Variants in MARCHF1 observed in about 807,000 individuals in gnomAD.
The protein encoded by MARCHF1 is E3 ubiquitin-protein ligase MARCHF1.
A neutral mutation model predicts 54.2 loss-of-function variants in MARCHF1; 40 were observed. The observed-to-expected ratio is 0.74, with a 90% CI of 0.57 to 0.96. The LOEUF is 0.96. Ranked by LOEUF, MARCHF1 falls within the 40% of genes least tolerant of loss-of-function variation. MARCHF1 has a pLI of 0.00. For synonymous variants in MARCHF1, 236 were observed against 236.3 expected (o/e 1.00, Z 0.01); for missense variants, 586 against 656.5 (o/e 0.89, Z 1.17).
chr4:164,230,116 C>T (rs531047176), intron 1 of MARCHF1, among the ~76,000 whole-genome samples: 1 of 152,246 alleles, frequency 6.6e-6, no homozygotes, highest in South Asian at 2.1e-4. Flanking sequence ...TGATATAAGG[C>T]TGGGCACGGT....
chr4:164,369,002 G>C (rs998216417), intron 1 of MARCHF1, among the ~76,000 whole-genome samples: 1 of 152,176 alleles, frequency 6.6e-6, no homozygotes, highest in Non-Finnish European at 1.5e-5. Context: ...CTGTGCTGCA[G>C]GCCAGCAAAG....
At chr4:164,148,194 T>C (rs1257740477) in intron 1 of MARCHF1, among the ~76,000 whole-genome samples, 1 of 151,484 alleles carries the variant, frequency 6.6e-6, no homozygotes, top group Non-Finnish European at 1.5e-5. Context: ...CAAGAAACTA[T>C]GTAACAGAGG....
chr4:163,683,277 C>T (rs564513281), intron 5 of MARCHF1, among the ~76,000 whole-genome samples: 8 of 152,204 alleles, frequency 5.3e-5, no homozygotes, highest in South Asian at 4.2e-4. Flanking sequence ...ACATGGTGGT[C>T]GACAAGAGAA....
intron 1 of MARCHF1, among the ~76,000 whole-genome samples, chr4:164,238,573 AAAGT>A (rs1397749928): frequency 1.3e-5 from 2 of 152,032 alleles, no homozygotes; most frequent in African/African-American, 4.8e-5. Context: ...TATTATCTAA[AAAGT>A]AAGAGATAAA....
At chr4:163,780,606 G>A (rs1227428546) in intron 4 of MARCHF1, among the ~76,000 whole-genome samples, 2 of 68,644 alleles carry the variant, frequency 2.9e-5, no homozygotes, top group Admixed American at 3.6e-4. Flanking sequence ...TCCTTTGAAA[G>A]TGGGAATTAT....
intron 1 of MARCHF1, among the ~76,000 whole-genome samples, chr4:164,217,153 G>A (rs2111136864): frequency 6.6e-6 from 1 of 152,282 alleles, no homozygotes; most frequent in Middle Eastern, 3.4e-3. Flanking sequence ...TGAACATGAT[G>A]CAGCTCTCTT....
At chr4:164,194,349 C>A (rs1365953040) in intron 1 of MARCHF1, among the ~76,000 whole-genome samples, 5 of 152,236 alleles carry the variant, frequency 3.3e-5, no homozygotes, top group South Asian at 2.1e-4. Flanking sequence ...AAGGGCACTG[C>A]AGGTGGGAAA....
chr4:163,899,029 C>T (rs1252826781), intron 3 of MARCHF1, among the ~76,000 whole-genome samples: 1 of 152,126 alleles, frequency 6.6e-6, no homozygotes, highest in East Asian at 1.9e-4. Context: ...ACACTAGGAA[C>T]TCCAAAAGTG....
In MARCHF1 at chr4:164,201,655, C is replaced by T. The variant is rs372792236; in HGVS notation, c.-322-89993G>A. 2.0e-5 allele frequency among the ~76,000 whole-genome samples: 3 copies of T among 152,180 alleles called. No homozygotes were observed. In the East Asian group the frequency reaches 5.8e-4, roughly 29 times the overall value. On this transcript the variant is annotated intron_variant, in intron 1 of 9. Transcript: ENST00000514618. ...CTGAAGATGACTTGTTAACAAATTG[C>T]ATATGAGAAGCAAGGTAAAGAGATA...
chr4:163,886,033 A>C (rs1411559775), intron 3 of MARCHF1, among the ~76,000 whole-genome samples: 2 of 147,592 alleles, frequency 1.4e-5, no homozygotes, highest in Non-Finnish European at 3.0e-5. Flanking sequence ...AAAAAAAAAT[A>C]GCCTGGTATG....
chr4:164,323,856 A>G (rs925373512), intron 1 of MARCHF1, among the ~76,000 whole-genome samples: 4 of 151,766 alleles, frequency 2.6e-5, no homozygotes, highest in African/African-American at 9.7e-5. Flanking sequence ...AAGACATACT[A>G]TTTGAAAAAT....
intron 4 of MARCHF1, among the ~76,000 whole-genome samples, chr4:163,724,851 T>C (rs562978949): frequency 1.4e-4 from 21 of 151,924 alleles, no homozygotes; most frequent in African/African-American, 4.6e-4. Context: ...GCTAAGACCA[T>C]TGGAAAAGCG....
chr4:163,664,424 C>T (rs1313865782), intron 5 of MARCHF1, among the ~76,000 whole-genome samples: 1 of 151,948 alleles, frequency 6.6e-6, no homozygotes, highest in Non-Finnish European at 1.5e-5. Flanking sequence ...CCAAATTAAA[C>T]ATGACAAAGA....
chr4:164,019,087 G>A (rs1465786645), intron 2 of MARCHF1, among the ~76,000 whole-genome samples: 2 of 152,150 alleles, frequency 1.3e-5, no homozygotes, highest in Non-Finnish European at 2.9e-5. Context: ...CCTTTGGCTG[G>A]GTTTGGTAAA....
At chr4:163,621,453 T>G (rs2110960503) in intron 5 of MARCHF1, among the ~76,000 whole-genome samples, 1 of 152,308 alleles carries the variant, frequency 6.6e-6, no homozygotes, top group South Asian at 2.1e-4. Flanking sequence ...AACCACTGGT[T>G]TAGGTTAAAG....
chr4:163,879,265 T>A (rs1480653088), intron 3 of MARCHF1, among the ~76,000 whole-genome samples: 1 of 152,130 alleles, frequency 6.6e-6, no homozygotes, highest in Non-Finnish European at 1.5e-5. Context: ...TAAGAGGGAA[T>A]TCCTGGGTTT....
intron 5 of MARCHF1, among the ~76,000 whole-genome samples, chr4:163,646,955 A>G (rs1316375654): frequency 6.6e-6 from 1 of 152,128 alleles, no homozygotes; most frequent in African/African-American, 2.4e-5. Flanking sequence ...TATCTGATGA[A>G]AAGACAAAGT....
intron 3 of MARCHF1, among the ~76,000 whole-genome samples, chr4:163,904,880 T>C (rs1313986584): frequency 6.6e-6 from 1 of 152,136 alleles, no homozygotes; most frequent in Non-Finnish European, 1.5e-5. Context: ...GAATTATTCA[T>C]TGGATCATTA....
chr4:163,546,572 T>TGGA (rs1238328398), intron 8 of MARCHF1, among the ~76,000 whole-genome samples: 1 of 152,212 alleles, frequency 6.6e-6, no homozygotes, highest in Non-Finnish European at 1.5e-5. Context: ...GACCGAATGA[T>TGGA]ACCTGCAAGA....
Sources: gnomAD v4.1 joint callset for allele counts (sites outside exome capture counted in the v4.1 genomes callset) on GRCh38, gnomAD v4.1.1 for gene constraint, MANE v1.5 for transcripts, NCBI Gene and HGNC (gene_info 2026-07-23, HGNC 2026-07-21) for gene names.